Variants in WDFY3 observed in about 807,000 individuals in gnomAD.
WDFY3 encodes WD repeat and FYVE domain-containing protein 3.
A neutral mutation model predicts 409.6 loss-of-function variants in WDFY3; 66 were observed. The observed-to-expected ratio is 0.16, with a 90% CI of 0.13 to 0.20. The LOEUF is 0.20. WDFY3 is among the 10% of genes least tolerant of loss of function. WDFY3 has a pLI of 1.00. For synonymous variants in WDFY3, 1,521 were observed against 1,537.1 expected, an observed-to-expected ratio of 0.99 and a Z score of 0.25; for missense variants, 3,031 against 4,298.1, an observed-to-expected ratio of 0.71 and a Z score of 8.24.
intron 7 of WDFY3, among the ~76,000 whole-genome samples, chr4:84,835,384 T>A (rs898492468): frequency 2.0e-5 from 3 of 152,206 alleles, no homozygotes; most frequent in Non-Finnish European, 4.4e-5. Context: ...TTTATTCCCA[T>A]TGCTTTTCTT....
At chr4:84,856,972 A>G (rs1388519047) in intron 4 of WDFY3, among the ~76,000 whole-genome samples, 2 of 152,210 alleles carry the variant, frequency 1.3e-5, no homozygotes, top group Admixed American at 1.3e-4. Context: ...TGGAAATGGT[A>G]TCTAAGAACA....
At chr4:84,961,498 GC>G (rs1384109657) in intron 1 of WDFY3, among the ~76,000 whole-genome samples, 1 of 151,548 alleles carries the variant, frequency 6.6e-6, no homozygotes, top group African/African-American at 2.4e-5. Flanking sequence ...TTTTTAAATT[GC>G]TAACAGCTAA....
chr4:84,881,719 T>C (rs1473485916), intron 3 of WDFY3, among the ~76,000 whole-genome samples: 5 of 151,944 alleles, frequency 3.3e-5, no homozygotes, highest in African/African-American at 1.2e-4. Flanking sequence ...AGACCCCGCC[T>C]CTACTCAAAA....
chr4:84,751,458 T>C, intron 36 of WDFY3, 25 bp downstream of exon 36: 2 of 1,604,638 alleles, frequency 1.2e-6, no homozygotes. Flanking sequence ...GCAAAAGAGA[T>C]GTAAATGCGT....
At chr4:84,824,224 G>A (rs114840202) in intron 10 of WDFY3, among the ~76,000 whole-genome samples, 3,864 of 152,182 alleles carry the variant, frequency 0.025, 59 homozygotes, top group South Asian at 0.05. Context: ...CATACAATAA[G>A]ATATTCTGAG....
intron 32 of WDFY3, among the ~76,000 whole-genome samples, chr4:84,760,262 T>C (rs1193552425): frequency 6.6e-6 from 1 of 152,116 alleles, no homozygotes; most frequent in African/African-American, 2.4e-5. Context: ...GGTCTAAAGT[T>C]CTCTTTTTTG....
At chr4:84,738,251 A>G (rs2149207524) in intron 40 of WDFY3, among the ~76,000 whole-genome samples, 1 of 152,180 alleles carries the variant, frequency 6.6e-6, no homozygotes, top group African/African-American at 2.4e-5. Context: ...AATCCATACA[A>G]AGACTTCAAT....
At chr4:84,884,061 G>A (rs1244888247) in intron 3 of WDFY3, among the ~76,000 whole-genome samples, 1 of 152,102 alleles carries the variant, frequency 6.6e-6, no homozygotes, top group African/African-American at 2.4e-5. Context: ...GACTCAAAAA[G>A]CTATAGATTA....
Position 84,801,775 on chromosome 4 carries a change from A to C in WDFY3, c.2697T>G (p.Gly899=), listed in dbSNP as rs1207431610. The change falls in exon 17 of 68, where the codon GGT becomes GGG. Residue 899 remains glycine (G), a synonymous_variant. Transcript: ENST00000295888. ...ACCTCTGCAGCAGTCGTGCATGAAG[A>C]CCAGCTTCACACATGACTTGCTGGT... The part of the protein sequence containing the change: ...ERNQQVMCEA[G]LHARLLQRCS... 7 of 1,614,124 alleles carry C rather than the reference A, an allele frequency of 4.3e-6. No homozygotes were observed. Among genetic ancestry groups the C allele is most frequent in the Non-Finnish European group, 5.9e-6 (7 of 1,180,026 alleles).
intron 32 of WDFY3, among the ~76,000 whole-genome samples, chr4:84,759,726 G>A (rs1433515561): frequency 2.0e-5 from 3 of 150,872 alleles, no homozygotes; most frequent in Non-Finnish European, 3.0e-5. Flanking sequence ...GGGTTTTCTA[G>A]ATATACAATC....
At chr4:84,748,991 A>C (rs1402704085) in intron 36 of WDFY3, among the ~76,000 whole-genome samples, 1 of 152,010 alleles carries the variant, frequency 6.6e-6, no homozygotes, top group Non-Finnish European at 1.5e-5. Flanking sequence ...ACCTGGGCTC[A>C]AGCGATCCTT....
At chr4:84,680,727 C>T (rs758088712) in intron 64 of WDFY3, among the ~76,000 whole-genome samples, 5 of 152,138 alleles carry the variant, frequency 3.3e-5, no homozygotes, top group African/African-American at 4.8e-5. Context: ...TGTCATTAGT[C>T]CCTAAACAAT....
At chr4:84,782,003 C>T (rs1041130695) in intron 25 of WDFY3, among the ~76,000 whole-genome samples, 3 of 152,142 alleles carry the variant, frequency 2.0e-5, no homozygotes, top group South Asian at 4.1e-4. Context: ...TACTGATTTA[C>T]ACATTAAAAG....
chr4:84,739,831 CTGAAAAATACTAATT>C (rs1738090511), intron 39 of WDFY3, among the ~76,000 whole-genome samples: 1 of 152,146 alleles, frequency 6.6e-6, no homozygotes, highest in Admixed American at 6.5e-5. Context: ...AAGCAATCAA[CTGAAAAATACTAATT>C]TTACTCATTT....
intron 67 of WDFY3, among the ~76,000 whole-genome samples, chr4:84,673,990 C>A (rs1725848168): frequency 6.6e-6 from 1 of 152,008 alleles, no homozygotes; most frequent in African/African-American, 2.4e-5. Context: ...AGTACTATAA[C>A]CTTATGGGTT....
Position 84,737,210 on chromosome 4 carries a change from G to A in WDFY3, c.6731C>T (p.Ala2244Val). ...ATARPLIEEA[A>V]LKCWQNHLAH... is the part of the protein sequence containing the mutation. ...CAAATGATTCTGCCAGCACTTCAGGGCAGCTTCTTCAATGAGTGGCCTTGC... is the reference window on the plus strand; with the variant it reads ...CAAATGATTCTGCCAGCACTTCAGGACAGCTTCTTCAATGAGTGGCCTTGC... Residue 2244 changes from alanine (A) to valine (V), a missense_variant, in exon 41 of 68, where the codon GCC (alanine) becomes GTC (valine). By Grantham distance (64) the Ala-to-Val change is moderately conservative. Coordinates refer to ENST00000295888, the MANE Select transcript of WDFY3 (RefSeq NM_014991.6). The A allele has an allele frequency of 6.2e-7, 1 of 1,614,078 alleles. No individual in the cohort carries two copies. The highest frequency in any genetic ancestry group is 1.1e-5 in the South Asian group (1 of 91,078).
In WDFY3 at chr4:84,672,653, C is replaced by A; in HGVS notation, c.*215G>T. Reference sequence around the variant, plus strand: ...CGAAAGTGTTGCTCCTAGGAACCACCTCATATTCTTCTTGTGCTGTTCACC... The same window carrying A: ...CGAAAGTGTTGCTCCTAGGAACCACATCATATTCTTCTTGTGCTGTTCACC... On this transcript the variant is annotated 3_prime_UTR_variant, in exon 68 of 68. Transcript: ENST00000295888. 2.2e-6 allele frequency: 1 copy of A among 462,872 alleles called. No homozygotes were observed. The highest frequency in any genetic ancestry group is 4.6e-5 in the South Asian group (1 of 21,796). The allele number at this position is 462,872 out of a possible 1,614,324, so 28.7% of individuals were successfully genotyped here.
chr4:84,675,156 A>G (rs1387385927), intron 67 of WDFY3, among the ~76,000 whole-genome samples: 2 of 151,882 alleles, frequency 1.3e-5, no homozygotes, highest in East Asian at 2.0e-4. Context: ...GGGTTTTGCC[A>G]TGTTGGCCAG....
At chr4:84,953,557 T>A (rs1026796386) in intron 1 of WDFY3, among the ~76,000 whole-genome samples, 6 of 152,124 alleles carry the variant, frequency 3.9e-5, no homozygotes, top group Non-Finnish European at 7.4e-5. Context: ...CAATAAAATG[T>A]ATTTTTTTAA....
Sources: allele counts gnomAD v4.1 joint callset (sites outside exome capture counted in the v4.1 genomes callset), GRCh38; gene constraint gnomAD v4.1.1; transcripts MANE v1.5; gene names NCBI Gene and HGNC (gene_info 2026-07-23, HGNC 2026-07-21).